Variants in NF1 observed in about 807,000 individuals in gnomAD.
NF1 encodes neurofibromin.
NF1 carries 122 observed loss-of-function variants against 325.7 expected under a neutral mutation model. That is an observed-to-expected ratio of 0.37 (90% CI 0.32 to 0.44). NF1 has a LOEUF of 0.44. Among genes scored for constraint, NF1 ranks in the 20% least tolerant of loss-of-function variants. The pLI is 1.00. For synonymous variants in NF1, 1,091 were observed against 1,186.0 expected (o/e 0.92, Z 1.65); for missense variants, 2,140 against 3,415.4 (o/e 0.63, Z 9.31).
intron 36 of NF1, among the ~76,000 whole-genome samples, chr17:31,290,594 T>A (rs1262965820): frequency 6.6e-6 from 1 of 150,948 alleles, no homozygotes. Context: ...ACATATTCAG[T>A]TCTTCTGTGT....
At chr17:31,331,907 A>ATT (rs2069502696) in intron 39 of NF1, 1 of 115,282 alleles carries the variant, frequency 8.7e-6, no homozygotes, top group Non-Finnish European at 1.7e-5. Flanking sequence ...TCTCTATTAA[A>ATT]AAAAAAAAAA....
chr17:31,271,961 A>C (rs2067908373), intron 36 of NF1: 1 of 151,926 alleles, frequency 6.6e-6, no homozygotes, highest in Admixed American at 6.6e-5. Flanking sequence ...CTTTAATATA[A>C]ATATCTGAGT....
chr17:31,352,686 A>G (rs2070180463), intron 51 of NF1, among the ~76,000 whole-genome samples: 4 of 152,230 alleles, frequency 2.6e-5, no homozygotes, highest in Admixed American at 2.6e-4. Flanking sequence ...GCTGGCCAGC[A>G]GGGAATGGGA....
At chr17:31,295,952 T>C in intron 36 of NF1, 1 of 1,614,124 alleles carries the variant, frequency 6.2e-7, no homozygotes, top group Non-Finnish European at 8.5e-7. Context: ...AACATCCAGA[T>C]ATTTAAGATT....
chr17:31,230,958 G>A (rs766005469), intron 24 of NF1, 33 bp downstream of exon 24: 17 of 1,509,220 alleles, frequency 1.1e-5, no homozygotes. Context: ...GTATTAGTGG[G>A]TTTTACTGTG....
intron 42 of NF1, 111 bp from the exon 43 acceptor site, chr17:31,337,257 A>T: frequency 1.1e-6 from 1 of 869,950 alleles, no homozygotes; most frequent in Admixed American, 2.1e-5. Flanking sequence ...GAACATGATT[A>T]TGTAATTTTT....
At chr17:31,184,897 G>A (rs1191243564) in intron 8 of NF1, among the ~76,000 whole-genome samples, 3 of 152,178 alleles carry the variant, frequency 2.0e-5, no homozygotes, top group Non-Finnish European at 2.9e-5. Context: ...CTGTTAAAGT[G>A]TGGGCATTGA....
intron 36 of NF1, among the ~76,000 whole-genome samples, chr17:31,268,936 G>A (rs955231121): frequency 1.3e-5 from 2 of 151,830 alleles, no homozygotes; most frequent in African/African-American, 4.8e-5. Flanking sequence ...GAACTCCTGG[G>A]CTCAAGCAAT....
rs760069401 is a variant in NF1, at chr17:31,295,662, T to G, written c.4836-30158T>G. 5 of 1,614,144 alleles carry G rather than the reference T, an allele frequency of 3.1e-6. No homozygotes were observed. The Admixed American group carries it at 8.3e-5, about 27-fold the overall frequency. ...TTGTGGTCACATGACCACCTGTTAT[T>G]GTAAAGGGTTATCTCTTGCAACTGA... On this transcript the variant is annotated intron_variant, in intron 36 of 57. Transcript: ENST00000358273.
At chr17:31,114,827 C>T (rs533449127) in intron 1 of NF1, among the ~76,000 whole-genome samples, 65 of 152,128 alleles carry the variant, frequency 4.3e-4, no homozygotes, top group Non-Finnish European at 7.6e-4. Flanking sequence ...GCACTCCAGC[C>T]TGGGCGACAG....
chr17:31,320,372 C>T, intron 36 of NF1: 1 of 1,574,934 alleles, frequency 6.3e-7, no homozygotes. Context: ...CAGATTCTTA[C>T]CTAGCTAGTA....
At chr17:31,296,600 T>G (rs2068471323) in intron 36 of NF1, 1 of 444,584 alleles carries the variant, frequency 2.2e-6, no homozygotes, top group Admixed American at 3.5e-5. Flanking sequence ...CCCTCCCCCC[T>G]TTTCTAACCA....
At chr17:31,126,176 G>A (rs575808673) in intron 1 of NF1, among the ~76,000 whole-genome samples, 54 of 151,876 alleles carry the variant, frequency 3.6e-4, no homozygotes, top group African/African-American at 1.2e-3. Flanking sequence ...CAACAAGAGC[G>A]ACACTTCGTC....
intron 1 of NF1, among the ~76,000 whole-genome samples, chr17:31,135,114 T>C (rs1390039916): frequency 6.6e-6 from 1 of 152,226 alleles, no homozygotes; most frequent in Non-Finnish European, 1.5e-5. Context: ...AGTTCAACTC[T>C]TCTAAATTCT....
intron 57 of NF1, chr17:31,361,586 G>A (rs1392209874): frequency 6.6e-6 from 1 of 152,064 alleles, no homozygotes; most frequent in Non-Finnish European, 1.5e-5. Context: ...GTTGTTTAAC[G>A]TTCCATTATC....
At chr17:31,291,957 A>G (rs560568812) in intron 36 of NF1, among the ~76,000 whole-genome samples, 14 of 152,342 alleles carry the variant, frequency 9.2e-5, no homozygotes, top group African/African-American at 3.4e-4. Flanking sequence ...TACAGATGTG[A>G]TAATAATCCT....
intron 3 of NF1, among the ~76,000 whole-genome samples, chr17:31,160,715 T>C (rs1393588977): frequency 6.6e-6 from 1 of 152,210 alleles, no homozygotes; most frequent in African/African-American, 2.4e-5. Flanking sequence ...GGGTCATATA[T>C]TGCCTTGTTC....
chr17:31,289,937 A>T (rs1162479994), intron 36 of NF1, among the ~76,000 whole-genome samples: 1 of 151,976 alleles, frequency 6.6e-6, no homozygotes, highest in Non-Finnish European at 1.5e-5. Flanking sequence ...TGCTATTTTA[A>T]TAGTGAAAAA....
intron 36 of NF1, among the ~76,000 whole-genome samples, chr17:31,299,902 A>C (rs1407237638): frequency 6.6e-6 from 1 of 151,958 alleles, no homozygotes; most frequent in East Asian, 1.9e-4. Context: ...GGGAAGATTT[A>C]ATTTGTTCTT....
Sources: allele counts gnomAD v4.1 joint callset (sites outside exome capture counted in the v4.1 genomes callset), GRCh38; gene constraint gnomAD v4.1.1; transcripts MANE v1.5; gene names NCBI Gene and HGNC (gene_info 2026-07-23, HGNC 2026-07-21).